PHACTR1: variants seen among roughly 807,000 people sequenced by gnomAD.
PHACTR1 encodes the protein phosphatase and actin regulator 1, also known as RPEL repeat containing 1.
PHACTR1 carries 16 observed loss-of-function variants against 69.2 expected under a neutral mutation model. The observed-to-expected ratio is 0.23, with a 90% CI of 0.16 to 0.35. The LOEUF (loss-of-function observed/expected upper bound fraction) is 0.35, where lower values mean the gene tolerates loss of function less well. PHACTR1 is among the 10% of genes least tolerant of loss of function. The probability of loss-of-function intolerance (pLI) is 1.00; values close to 1 mark genes in which losing one functional copy is unlikely to be tolerated. For missense variants in PHACTR1, 510 were observed against 734.7 expected (o/e 0.69, Z 3.54); for synonymous variants, 312 against 284.5 (o/e 1.10, Z -0.97).
intron 4 of PHACTR1, among the ~76,000 whole-genome samples, chr6:12,802,170 G>T (rs115949910): frequency 2.0e-5 from 3 of 149,902 alleles, no homozygotes; most frequent in African/African-American, 7.3e-5. Context: ...GACTTAAAGG[G>T]CATATAAATA....
At chr6:13,153,416 G>A (rs980699691) in intron 5 of PHACTR1, among the ~76,000 whole-genome samples, 1 of 152,202 alleles carries the variant, frequency 6.6e-6, no homozygotes, top group African/African-American at 2.4e-5. Flanking sequence ...TTTCAGGCAA[G>A]TGAGATATGC....
chr6:12,943,214 G>A (rs146733434), intron 4 of PHACTR1, among the ~76,000 whole-genome samples: 2 of 152,312 alleles, frequency 1.3e-5, no homozygotes, highest in South Asian at 2.1e-4. Flanking sequence ...GTACTGACAT[G>A]TGTACTTTAT....
At position 12,823,177 on chromosome 6, in the gene PHACTR1, G is replaced by A. The variant is rs986902821; in HGVS notation, c.250+73387G>A. Among the ~76,000 whole-genome samples, 16 of 152,268 alleles carry A rather than the reference G, an allele frequency of 1.1e-4. 1 individual carries two copies. The Middle Eastern group carries it at 0.02, about 194-fold the overall frequency. ...GGGGCAAGTTACTTACATTCTACGT[G>A]CTTAGATTTCTACATCTGCAAAATG... On this transcript the variant is annotated intron_variant, in intron 4 of 14. Transcript: ENST00000332995.
intron 4 of PHACTR1, among the ~76,000 whole-genome samples, chr6:12,916,763 T>A (rs1029318491): frequency 1.4e-4 from 21 of 152,162 alleles, no homozygotes; most frequent in Non-Finnish European, 2.4e-4. Flanking sequence ...AAATGCTAGA[T>A]CTTCCAATAT....
chr6:12,968,160 C>T (rs916161280), intron 4 of PHACTR1, among the ~76,000 whole-genome samples: 1 of 152,120 alleles, frequency 6.6e-6, no homozygotes, highest in Non-Finnish European at 1.5e-5. Context: ...AACTCATTGC[C>T]CTTCATGGAA....
intron 7 of PHACTR1, among the ~76,000 whole-genome samples, chr6:13,196,212 G>T (rs1267783839): frequency 1.3e-5 from 2 of 150,310 alleles, no homozygotes; most frequent in South Asian, 2.1e-4. Context: ...TCATGCATCA[G>T]ATAGATGCAA....
chr6:13,000,660 G>GGGAAGGAAGGAAGGAA (rs147732283), intron 4 of PHACTR1, among the ~76,000 whole-genome samples: 25 of 128,284 alleles, frequency 1.9e-4, no homozygotes, highest in African/African-American at 7.5e-4. Context: ...AGGGAGGAAG[G>GGGAAGGAAGGAAGGAA]GGAAGGAAGG....
rs151259625 is a variant in PHACTR1, at chr6:13,051,903, A to G, written c.251-1462A>G. Among the ~76,000 whole-genome samples the G allele has an allele frequency of 3.2e-4, 48 of 152,306 alleles. 2 individuals carry two copies. The East Asian group carries it at 5.6e-3, about 18-fold the overall frequency. On this transcript the variant is annotated intron_variant, in intron 4 of 14. Coordinates refer to ENST00000332995, the MANE Select transcript of PHACTR1 (RefSeq NM_030948.6). ...GTGGCCACTTAATCAAATGATTGAA[A>G]AGAGGAGCTCCCAGTGCACTGAACC...
chr6:13,090,942 A>ATAAT (rs1242507580), intron 5 of PHACTR1, among the ~76,000 whole-genome samples: 1 of 151,862 alleles, frequency 6.6e-6, no homozygotes, highest in African/African-American at 2.4e-5. Flanking sequence ...ATATAATGAA[A>ATAAT]TAATTATACA....
chr6:12,926,984 C>T (rs2127522432), intron 4 of PHACTR1, among the ~76,000 whole-genome samples: 2 of 152,342 alleles, frequency 1.3e-5, no homozygotes, highest in South Asian at 4.1e-4. Context: ...TAAATCTAGT[C>T]AATTGCTTAG....
chr6:12,875,372 G>A (rs144714805), intron 4 of PHACTR1, among the ~76,000 whole-genome samples: 239 of 152,212 alleles, frequency 1.6e-3, no homozygotes, highest in African/African-American at 5.5e-3. Context: ...ACTTAAACTC[G>A]TCACCTCGAT....
At chr6:12,814,847 T>A (rs1279456872) in intron 4 of PHACTR1, among the ~76,000 whole-genome samples, 1 of 152,240 alleles carries the variant, frequency 6.6e-6, no homozygotes, top group Non-Finnish European at 1.5e-5. Flanking sequence ...GGCTGCTTTA[T>A]GCAACCAAGA....
intron 4 of PHACTR1, among the ~76,000 whole-genome samples, chr6:12,849,815 T>C (rs1054243618): frequency 4.6e-5 from 7 of 152,120 alleles, no homozygotes; most frequent in African/African-American, 1.7e-4. Flanking sequence ...AAAACAAAAA[T>C]ACACAATTCA....
intron 4 of PHACTR1, among the ~76,000 whole-genome samples, chr6:13,016,565 A>C (rs1026430492): frequency 2.0e-5 from 3 of 152,138 alleles, no homozygotes; most frequent in Non-Finnish European, 4.4e-5. Flanking sequence ...AGGATAAAAT[A>C]TGTCTGGTTA....
intron 5 of PHACTR1, among the ~76,000 whole-genome samples, chr6:13,156,472 A>G (rs893848036): frequency 6.6e-6 from 1 of 152,226 alleles, no homozygotes; most frequent in Admixed American, 6.5e-5. Context: ...AATGCTTGGC[A>G]TGGGCAACTT....
intron 8 of PHACTR1, among the ~76,000 whole-genome samples, chr6:13,222,833 A>G (rs1488535402): frequency 3.3e-5 from 5 of 152,238 alleles, no homozygotes; most frequent in African/African-American, 1.2e-4. Context: ...CCCTCAAAGC[A>G]ATGAATTATC....
chr6:12,841,329 C>A (rs980784626), intron 4 of PHACTR1, among the ~76,000 whole-genome samples: 11 of 152,202 alleles, frequency 7.2e-5, no homozygotes, highest in Non-Finnish European at 1.6e-4. Flanking sequence ...AGAATCACAT[C>A]ATTCTACTTA....
intron 3 of PHACTR1, among the ~76,000 whole-genome samples, chr6:12,722,257 C>T (rs115835095): frequency 6.6e-6 from 1 of 152,272 alleles, no homozygotes; most frequent in African/African-American, 2.4e-5. Flanking sequence ...ATAGACTGAT[C>T]AAGTGTTCTT....
chr6:12,971,541 T>A (rs573949969), intron 4 of PHACTR1, among the ~76,000 whole-genome samples: 39 of 152,310 alleles, frequency 2.6e-4, no homozygotes, highest in African/African-American at 8.4e-4. Context: ...TGAGTCCATG[T>A]ATACGAAATG....
Sources: allele counts gnomAD v4.1 joint callset (sites outside exome capture counted in the v4.1 genomes callset), GRCh38; gene constraint gnomAD v4.1.1; transcripts MANE v1.5; gene names NCBI Gene and HGNC (gene_info 2026-07-23, HGNC 2026-07-21).